The following STAM variants were observed in gnomAD, a reference collection of about 807,000 sequenced individuals.
The protein encoded by STAM is signal transducing adaptor molecule.
In STAM, 16 loss-of-function variants were observed where a neutral mutation model predicts 63.4. The ratio of observed to expected loss-of-function variants is 0.25; its 90% CI spans 0.17 to 0.38. The LOEUF (loss-of-function observed/expected upper bound fraction) is 0.38. Ranked by LOEUF, STAM falls within the 10% of genes least tolerant of loss-of-function variation. The pLI is 1.00. For missense variants in STAM, 636 were observed against 657.1 expected, an observed-to-expected ratio of 0.97 and a Z score of 0.35; for synonymous variants, 238 against 223.9, an observed-to-expected ratio of 1.06 and a Z score of -0.56.
chr10:17,659,583 T>G (rs1564532214), intron 1 of STAM, among the ~76,000 whole-genome samples: 1 of 150,144 alleles, frequency 6.7e-6, no homozygotes, highest in Non-Finnish European at 1.5e-5. Flanking sequence ...ATCCTCCCAC[T>G]TCAGCCTTCT....
chr10:17,714,602 C>G lies in STAM; in HGVS notation c.1445C>G (p.Pro482Arg). ...CCCAGCCAGGCGCCAGTATATAGTC[C>G]TCCTCCTGCCGCTACTGCTGCTGCT... ...TYPSQAPVYS[P>R]PPAATAAAAT... Residue 482 changes from proline (P) to arginine (R), a missense_variant, in exon 14 of 14, where the codon CCT (proline) becomes CGT (arginine). Physicochemically the swap from Pro to Arg is moderately radical, Grantham distance 103 (BLOSUM62 -2). Transcript: ENST00000377524. The G allele has an allele frequency of 6.2e-7, 1 of 1,614,128 alleles. No homozygotes were observed. Among genetic ancestry groups the G allele is most frequent in the Non-Finnish European group, 8.5e-7 (1 of 1,180,024 alleles).
At chr10:17,650,340 A>G (rs1020957562) in intron 1 of STAM, among the ~76,000 whole-genome samples, 10 of 152,228 alleles carry the variant, frequency 6.6e-5, no homozygotes, top group Non-Finnish European at 1.3e-4. Flanking sequence ...TGCGGATGCT[A>G]TGAGGATTAC....
chr10:17,660,650 A>C, intron 2 of STAM, 102 bp downstream of exon 2: 2 of 785,378 alleles, frequency 2.5e-6, no homozygotes, highest in Non-Finnish European at 4.0e-6. Flanking sequence ...CCTCGGTAGG[A>C]TGAGGTGGGA....
At position 17,699,270 on chromosome 10, in the gene STAM, T is replaced by C. The variant is rs540453264; in HGVS notation, c.824-921T>C. Among the ~76,000 whole-genome samples the C allele has an allele frequency of 2.0e-5, 3 of 152,380 alleles. 1 individual carries two copies. The East Asian group carries it at 5.8e-4, about 29-fold the overall frequency. Reference sequence around the variant, plus strand: ...GAGATTCATTGGAGGAAATGTAATATTCCATCAAGCATATTCAATAGTTTA... The same window carrying C: ...GAGATTCATTGGAGGAAATGTAATACTCCATCAAGCATATTCAATAGTTTA... On this transcript the variant is annotated intron_variant, in intron 8 of 13. Coordinates refer to ENST00000377524, the MANE Select transcript of STAM (RefSeq NM_003473.4).
intron 2 of STAM, among the ~76,000 whole-genome samples, chr10:17,665,739 G>C (rs1368304192): frequency 6.6e-6 from 1 of 151,372 alleles, no homozygotes; most frequent in African/African-American, 2.4e-5. Context: ...AAGCCTACTA[G>C]ATGTAATCCC....
At chr10:17,700,409 G>A (rs1835940153) in intron 9 of STAM, 130 bp downstream of exon 9, 3 of 656,140 alleles carry the variant, frequency 4.6e-6, no homozygotes, top group Admixed American at 3.4e-5. Context: ...AAAAATTCAA[G>A]CAATATAGAC....
intron 2 of STAM, among the ~76,000 whole-genome samples, chr10:17,664,732 G>T (rs782462031): frequency 1.6e-4 from 25 of 152,232 alleles, no homozygotes; most frequent in African/African-American, 6.0e-4. Flanking sequence ...GAATGTTGTA[G>T]ATTGGAATGC....
At chr10:17,646,569 G>A (rs1277504910) in intron 1 of STAM, among the ~76,000 whole-genome samples, 1 of 152,176 alleles carries the variant, frequency 6.6e-6, no homozygotes, top group African/African-American at 2.4e-5. Flanking sequence ...TGTCAGTTGA[G>A]CCTGCCAGAC....
intron 2 of STAM, among the ~76,000 whole-genome samples, chr10:17,675,088 T>A (rs1834792169): frequency 6.6e-6 from 1 of 152,244 alleles, no homozygotes; most frequent in Non-Finnish European, 1.5e-5. Context: ...AGATAGGGAA[T>A]CTTAACTGAT....
At chr10:17,685,622 T>G (rs1033550550) in intron 4 of STAM, among the ~76,000 whole-genome samples, 1 of 152,184 alleles carries the variant, frequency 6.6e-6, no homozygotes, top group Non-Finnish European at 1.5e-5. Flanking sequence ...ATACTTGATC[T>G]TTTAGTGTTT....
At chr10:17,667,000 T>C (rs1554823478) in intron 2 of STAM, among the ~76,000 whole-genome samples, 1 of 152,222 alleles carries the variant, frequency 6.6e-6, no homozygotes, top group African/African-American at 2.4e-5. Context: ...CTATGAACAT[T>C]TTGTTTGATT....
intron 1 of STAM, among the ~76,000 whole-genome samples, chr10:17,646,739 A>G (rs372564298): frequency 6.6e-6 from 1 of 152,240 alleles, no homozygotes; most frequent in Non-Finnish European, 1.5e-5. Flanking sequence ...TTCCCAGTAC[A>G]TAAGCCTTGC....
At chr10:17,674,170 A>T (rs1309060309) in intron 2 of STAM, among the ~76,000 whole-genome samples, 1 of 152,216 alleles carries the variant, frequency 6.6e-6, no homozygotes, top group African/African-American at 2.4e-5. Flanking sequence ...TTAAACAGAG[A>T]TTAAAAGAAG....
chr10:17,677,864 G>T (rs377123637), intron 2 of STAM, among the ~76,000 whole-genome samples: 35 of 152,054 alleles, frequency 2.3e-4, no homozygotes, highest in East Asian at 1.3e-3. Flanking sequence ...TATTAAAAAG[G>T]ATTTTTTTGT....
intron 2 of STAM, among the ~76,000 whole-genome samples, chr10:17,675,512 A>G (rs1354026772): frequency 6.6e-6 from 1 of 152,008 alleles, no homozygotes; most frequent in African/African-American, 2.4e-5. Flanking sequence ...TCAAAAAAAA[A>G]AAAAAGATAG....
intron 1 of STAM, among the ~76,000 whole-genome samples, chr10:17,649,393 TA>T (rs139969080): frequency 0.56 from 80,017 of 141,874 alleles, 22,480 homozygotes; most frequent in African/African-American, 0.68. Context: ...ACCCTGTCTT[TA>T]AAAAAAAAAA....
chr10:17,691,460 G>T (rs1835531026), intron 5 of STAM, among the ~76,000 whole-genome samples: 1 of 152,218 alleles, frequency 6.6e-6, no homozygotes, highest in Non-Finnish European at 1.5e-5. Flanking sequence ...GGAGCTTGCA[G>T]TGAGCCAAGA....
intron 4 of STAM, among the ~76,000 whole-genome samples, chr10:17,686,518 A>C (rs2570288): frequency 0.076 from 11,582 of 152,040 alleles, 526 homozygotes; most frequent in Admixed American, 0.11. Context: ...CTGGGAATAC[A>C]GGCATGCGCC....
intron 1 of STAM, among the ~76,000 whole-genome samples, chr10:17,645,728 T>C (rs1833494536): frequency 6.6e-6 from 1 of 152,186 alleles, no homozygotes; most frequent in Admixed American, 6.5e-5. Flanking sequence ...TTTAATTTAA[T>C]AAGCAGTTAG....
Sources: gnomAD v4.1 joint callset for allele counts (sites outside exome capture counted in the v4.1 genomes callset) on GRCh38, gnomAD v4.1.1 for gene constraint, MANE v1.5 for transcripts, NCBI Gene and HGNC (gene_info 2026-07-23, HGNC 2026-07-21) for gene names.